DNAJC10: variants seen among roughly 807,000 people sequenced by gnomAD.
The protein encoded by DNAJC10 is endoplasmic reticulum disulfide reductase DNAJC10.
Under a neutral mutation model 115.0 loss-of-function variants are expected in DNAJC10, and 101 were observed. The observed-to-expected ratio is 0.88, with a 90% CI of 0.75 to 1.04. The LOEUF (loss-of-function observed/expected upper bound fraction) is 1.04. Among genes scored for constraint, DNAJC10 ranks in the 50% least tolerant of loss-of-function variants. DNAJC10 has a pLI of 0.00. For missense variants in DNAJC10, 981 were observed against 928.8 expected, an observed-to-expected ratio of 1.06 and a Z score of -0.73; for synonymous variants, 307 against 301.5, an observed-to-expected ratio of 1.02 and a Z score of -0.19.
At chr2:182,760,162 C>A (rs1007763283) in intron 21 of DNAJC10, among the ~76,000 whole-genome samples, 1 of 152,220 alleles carries the variant, frequency 6.6e-6, no homozygotes, top group Admixed American at 6.5e-5. Context: ...TCCTTATTTA[C>A]ATGCCGCTCC....
chr2:182,720,129 T>C lies in DNAJC10; in HGVS notation c.327T>C (p.Gly109=). ...AAAAGGGACTTGAGGATAATCAAGG[T>C]GGCCAGTATGAAAGCTGGAACTATT... ...YGEKGLEDNQ[G]GQYESWNYYR... The change falls in exon 4 of 24, where the codon GGT becomes GGC. Residue 109 remains glycine (G), a synonymous_variant. Transcript: ENST00000264065. 6.2e-7 allele frequency: 1 copy of C among 1,611,230 alleles called. No individual in the cohort carries two copies. Among genetic ancestry groups the C allele is most frequent in the Non-Finnish European group, 8.5e-7 (1 of 1,178,940 alleles).
chr2:182,762,922 A>G, intron 22 of DNAJC10, 121 bp downstream of exon 22: 2 of 1,138,594 alleles, frequency 1.8e-6, no homozygotes, highest in Non-Finnish European at 2.4e-6. Context: ...ATTATTACAT[A>G]TTACTGATAC....
Position 182,794,349 on chromosome 2 carries a change from T to C in DNAJC10, c.*17217T>C, listed in dbSNP as rs1695105634. ...TCTCTCCTTTGCATGATGACCACAT[T>C]AAACTTACAGAGTAAGAAATGTCAT... On this transcript the variant is annotated 3_prime_UTR_variant, in exon 24 of 24. Transcript: ENST00000264065. 1.3e-5 allele frequency: 2 copies of C among 151,896 alleles called. No individual in the cohort carries two copies. The highest frequency in any genetic ancestry group is 2.4e-5 in the African/African-American group (1 of 41,372). The allele number at this position is 151,896 out of a possible 1,614,324, so 9.4% of individuals were successfully genotyped here.
intron 3 of DNAJC10, among the ~76,000 whole-genome samples, chr2:182,719,085 A>T (rs1056534494): frequency 1.3e-5 from 2 of 151,116 alleles, no homozygotes; most frequent in African/African-American, 2.4e-5. Flanking sequence ...ATTTTTTTTT[A>T]ATTTTTCTTT....
chr2:182,721,941 G>A, intron 4 of DNAJC10, 84 bp from the exon 5 acceptor site: 1 of 748,002 alleles, frequency 1.3e-6, no homozygotes, highest in East Asian at 3.1e-5. Context: ...TTTTTTTGAT[G>A]ATTAAAACGA....
Position 182,732,404 on chromosome 2 carries a change from G to C in DNAJC10, c.806-95G>C, listed in dbSNP as rs1693473839. Reference sequence around the variant, plus strand: ...GAGTCCAGCTCAATTAATTGCCTTCGAATGAACATGGTAATTTGGGGGAAA... The same window carrying C: ...GAGTCCAGCTCAATTAATTGCCTTCCAATGAACATGGTAATTTGGGGGAAA... On this transcript the variant is annotated intron_variant, in intron 9 of 23. Coordinates refer to ENST00000264065, the MANE Select transcript of DNAJC10 (RefSeq NM_018981.4). 16 of 1,184,190 alleles carry C rather than the reference G, an allele frequency of 1.4e-5. No individual in the cohort carries two copies. The East Asian group carries it at 3.7e-4, about 28-fold the overall frequency. 73.4% of individuals were successfully genotyped at this position (1,184,190 alleles called of 1,614,324 possible). A position where few individuals can be genotyped will look rare whatever the true frequency, so the allele number is the denominator to read the frequency against.
intron 18 of DNAJC10, 64 bp downstream of exon 18, chr2:182,756,533 A>C: frequency 6.7e-7 from 1 of 1,487,754 alleles, no homozygotes; most frequent in South Asian, 1.3e-5. Flanking sequence ...TAACAGAATT[A>C]TTTTGAAACG....
rs933486181 is a variant in DNAJC10 at position 182,784,783 on chromosome 2, T to C, written c.*7651T>C. 1 of 152,208 alleles carries C rather than the reference T, an allele frequency of 6.6e-6. No individual in the cohort carries two copies. The highest frequency in any genetic ancestry group is 1.5e-5 in the Non-Finnish European group (1 of 68,034). 9.4% of individuals were successfully genotyped at this position (152,208 alleles called of 1,614,324 possible). On this transcript the variant is annotated 3_prime_UTR_variant, in exon 24 of 24. Transcript: ENST00000264065. Reference sequence around the variant, plus strand: ...AGCACCTATTCTTTTGAAAGGAACTTTCTCAAAGGATTTTTAGGGCTTCAT... The same window carrying C: ...AGCACCTATTCTTTTGAAAGGAACTCTCTCAAAGGATTTTTAGGGCTTCAT...
chr2:182,725,516 A>G (rs996633852), intron 5 of DNAJC10, among the ~76,000 whole-genome samples: 1 of 152,236 alleles, frequency 6.6e-6, no homozygotes, highest in African/African-American at 2.4e-5. Flanking sequence ...CAAAACAGCC[A>G]TACTGCTAAC....
chr2:182,780,908 G>C lies in DNAJC10; in HGVS notation c.*3776G>C, dbSNP rs1269124519. ...TAGTGGCCTTTGGTCCTGAAAGTTA[G>C]CAATCATCCCCAAAAAGGTCTGTGT... On this transcript the variant is annotated 3_prime_UTR_variant, in exon 24 of 24. Transcript: ENST00000264065. 1 of 151,810 alleles carries C rather than the reference G, an allele frequency of 6.6e-6. No homozygotes were observed. Among genetic ancestry groups the C allele is most frequent in the Non-Finnish European group, 1.5e-5 (1 of 67,966 alleles). The allele number at this position is 151,810 out of a possible 1,614,324, so 9.4% of individuals were successfully genotyped here.
At chr2:182,733,216 CATTAT>C (rs1397534733) in intron 10 of DNAJC10, among the ~76,000 whole-genome samples, 4 of 151,958 alleles carry the variant, frequency 2.6e-5, no homozygotes, top group South Asian at 4.1e-4. Context: ...CATATTTTGA[CATTAT>C]ATTGTTGGCA....
intron 14 of DNAJC10, among the ~76,000 whole-genome samples, chr2:182,748,096 G>A (rs1355980125): frequency 6.8e-4 from 100 of 146,546 alleles, no homozygotes; most frequent in Non-Finnish European, 9.7e-4. Flanking sequence ...GATCATGGTG[G>A]ATAAGCTTTT....
chr2:182,719,752 C>T (rs911992481), intron 3 of DNAJC10, among the ~76,000 whole-genome samples: 1 of 149,822 alleles, frequency 6.7e-6, no homozygotes, highest in African/African-American at 2.4e-5. Flanking sequence ...GGTCTGATAA[C>T]GTCTGTCAAC....
intron 21 of DNAJC10, 54 bp from the exon 22 acceptor site, chr2:182,762,628 G>A: frequency 1.3e-6 from 2 of 1,589,582 alleles, no homozygotes; most frequent in Non-Finnish European, 1.7e-6. Flanking sequence ...CTTTGTTGTT[G>A]CCAAAATAGT....
chr2:182,792,959 G>C lies in DNAJC10; in HGVS notation c.*15827G>C, dbSNP rs1695079124. On this transcript the variant is annotated 3_prime_UTR_variant, in exon 24 of 24. Transcript: ENST00000264065. ...TAAGTATGTTAGAAGTATGTTAGAA[G>C]ATGTGCTGTGAAATAAAGAAAAAGG... 1 of 152,002 alleles carries C rather than the reference G, an allele frequency of 6.6e-6. No homozygotes were observed. The highest frequency in any genetic ancestry group is 6.5e-5 in the Admixed American group (1 of 15,270). The allele number at this position is 152,002 out of a possible 1,614,324, so 9.4% of individuals were successfully genotyped here.
In DNAJC10 at chr2:182,733,688, A is replaced by ATTTTT. The variant is rs10642468; in HGVS notation, c.849+1157_849+1161dup. On this transcript the variant is annotated intron_variant, in intron 10 of 23. Transcript: ENST00000264065. ...TACAACTGTTGTTATTTCTTTCTCA[A>ATTTTT]TTTTTTTTTTTTTTTGGTAGAATTT... Among the ~76,000 whole-genome samples the ATTTTT allele has an allele frequency of 1.3e-4, 17 of 133,998 alleles. 1 individual carries two copies. Among genetic ancestry groups the ATTTTT allele is most frequent in the East Asian group, 6.3e-4 (3 of 4,730 alleles). The allele number at this position is 133,998 out of a possible 152,430, so 87.9% of individuals were successfully genotyped here. A position where few individuals can be genotyped will look rare whatever the true frequency, so the allele number is the denominator to read the frequency against.
intron 22 of DNAJC10, among the ~76,000 whole-genome samples, chr2:182,774,911 T>G (rs1440019244): frequency 6.6e-6 from 1 of 152,232 alleles, no homozygotes; most frequent in African/African-American, 2.4e-5. Flanking sequence ...ATACCTCAGT[T>G]GGAAGTGCAG....
chr2:182,716,777 C>G (rs933150111), intron 1 of DNAJC10, among the ~76,000 whole-genome samples: 19 of 152,172 alleles, frequency 1.2e-4, no homozygotes, highest in African/African-American at 3.9e-4. Flanking sequence ...TTACCCCTCT[C>G]CCCTCTCCCA....
chr2:182,728,969 G>T lies in DNAJC10; in HGVS notation c.608G>T (p.Ser203Ile). The change falls in exon 7 of 24, where the codon AGC (serine) becomes ATC (isoleucine). Residue 203 changes from serine to isoleucine, a missense_variant. Ser to Ile is a moderately radical substitution (Grantham distance 142). Coordinates refer to ENST00000264065, the MANE Select transcript of DNAJC10 (RefSeq NM_018981.4). ...CRMKGVNSYP[S>I]LFIFRSGMAP... The stretch of plus-strand genomic sequence containing the variant: ...ATGAAAGGAGTCAACAGCTATCCCA[G>T]CCTCTTCATTTTTCGGTCTGGAATG... The T allele has an allele frequency of 6.2e-7, 1 of 1,614,040 alleles. No individual in the cohort carries two copies. The highest frequency in any genetic ancestry group is 1.7e-5 in the Admixed American group (1 of 60,010).
Sources: gnomAD v4.1 joint callset for allele counts (sites outside exome capture counted in the v4.1 genomes callset) on GRCh38, gnomAD v4.1.1 for gene constraint, MANE v1.5 for transcripts, NCBI Gene and HGNC (gene_info 2026-07-23, HGNC 2026-07-21) for gene names.